The following SLC25A21 variants were observed in gnomAD, a reference collection of about 807,000 sequenced individuals.
SLC25A21 encodes solute carrier family 25 member 21.
Under a neutral mutation model 43.8 loss-of-function variants are expected in SLC25A21, and 47 were observed. The ratio of observed to expected loss-of-function variants is 1.07; its 90% confidence interval spans 0.85 to 1.37. SLC25A21 has a LOEUF of 1.37. Ranked by LOEUF, SLC25A21 falls within the 40% of genes most tolerant of loss-of-function variation. The pLI is 0.00. For synonymous variants in SLC25A21, 131 were observed against 121.3 expected, an observed-to-expected ratio of 1.08 and a Z score of -0.52; for missense variants, 352 against 350.2, an observed-to-expected ratio of 1.00 and a Z score of -0.04.
intron 3 of SLC25A21, among the ~76,000 whole-genome samples, chr14:36,769,736 T>C (rs1886547164): frequency 6.6e-6 from 1 of 152,220 alleles, no homozygotes; most frequent in Non-Finnish European, 1.5e-5. Context: ...ATAGAATTCA[T>C]GACAAGAAAA....
chr14:36,939,847 C>T (rs1315407081), intron 1 of SLC25A21, among the ~76,000 whole-genome samples: 1 of 152,056 alleles, frequency 6.6e-6, no homozygotes, highest in Non-Finnish European at 1.5e-5. Flanking sequence ...GAATGGAAAA[C>T]ATGCACAATT....
chr14:37,015,035 ATTCT>A (rs1960816764), intron 1 of SLC25A21, among the ~76,000 whole-genome samples: 1 of 151,542 alleles, frequency 6.6e-6, no homozygotes, highest in Admixed American at 6.6e-5. Flanking sequence ...ATTTGGCATA[ATTCT>A]TTATTATTAT....
intron 1 of SLC25A21, among the ~76,000 whole-genome samples, chr14:36,964,740 C>G (rs1437612565): frequency 1.3e-5 from 2 of 152,060 alleles, no homozygotes; most frequent in African/African-American, 4.8e-5. Context: ...AATCCCAGTC[C>G]GTGTACTCAC....
At chr14:36,975,003 A>G (rs1435691680) in intron 1 of SLC25A21, among the ~76,000 whole-genome samples, 1 of 152,198 alleles carries the variant, frequency 6.6e-6, no homozygotes, top group Non-Finnish European at 1.5e-5. Context: ...GATGACTTCC[A>G]TTTTTAAAGC....
intron 3 of SLC25A21, among the ~76,000 whole-genome samples, chr14:36,756,621 A>C (rs2139269999): frequency 6.6e-6 from 1 of 152,278 alleles, no homozygotes; most frequent in Admixed American, 6.5e-5. Flanking sequence ...CTTCCTCCCA[A>C]AGAAATGCTT....
In SLC25A21 at chr14:36,679,618, A is replaced by G; in HGVS notation, c.*1040T>C. The G allele has an allele frequency of 3.0e-6, 3 of 985,326 alleles. No individual in the cohort carries two copies. Among genetic ancestry groups the G allele is most frequent in the Non-Finnish European group, 3.6e-6 (3 of 829,882 alleles). The allele number at this position is 985,326 out of a possible 1,614,324, so 61.0% of individuals were successfully genotyped here. A position where few individuals can be genotyped will look rare whatever the true frequency, so the allele number is the denominator to read the frequency against. Reference sequence around the variant, plus strand: ...GCTAAGTGTATTTCTTTTTCAGAACATTTCCCCTTCATCATACATATTTTA... The same window carrying G: ...GCTAAGTGTATTTCTTTTTCAGAACGTTTCCCCTTCATCATACATATTTTA... On this transcript the variant is annotated 3_prime_UTR_variant, in exon 10 of 10. Transcript: ENST00000331299.
intron 1 of SLC25A21, among the ~76,000 whole-genome samples, chr14:37,005,701 C>T (rs181366592): frequency 6.6e-5 from 10 of 151,910 alleles, no homozygotes; most frequent in Non-Finnish European, 1.3e-4. Flanking sequence ...CACACACACA[C>T]GATGTGATTC....
At chr14:37,012,850 T>C (rs1236326377) in intron 1 of SLC25A21, among the ~76,000 whole-genome samples, 2 of 152,156 alleles carry the variant, frequency 1.3e-5, no homozygotes, top group East Asian at 1.9e-4. Flanking sequence ...GTTTAACTTG[T>C]CATTCCCACT....
intron 2 of SLC25A21, among the ~76,000 whole-genome samples, chr14:36,861,440 T>C (rs904738659): frequency 2.0e-5 from 3 of 152,218 alleles, no homozygotes; most frequent in Admixed American, 1.3e-4. Flanking sequence ...GGTTCTAAGG[T>C]TCAGCTCACA....
intron 1 of SLC25A21, among the ~76,000 whole-genome samples, chr14:37,100,351 C>T (rs1307544636): frequency 6.6e-6 from 1 of 152,178 alleles, no homozygotes; most frequent in African/African-American, 2.4e-5. Flanking sequence ...AGCCACCATG[C>T]CTGGCTGCCA....
chr14:36,708,598 T>C (rs1883681918), intron 7 of SLC25A21, among the ~76,000 whole-genome samples: 1 of 152,182 alleles, frequency 6.6e-6, no homozygotes, highest in South Asian at 2.1e-4. Flanking sequence ...CCACAGCACC[T>C]GGCTAATTTT....
In SLC25A21 at chr14:36,736,683, G is replaced by T. The variant is rs997352234; in HGVS notation, c.204-2110C>A. Among the ~76,000 whole-genome samples the T allele has an allele frequency of 3.5e-4, 53 of 152,176 alleles. 2 individuals carry two copies. The highest frequency in any genetic ancestry group is 4.4e-5 in the Non-Finnish European group (3 of 68,020). ...TAAAGCTTTTAAAACAGAGTGTCCAGATCAACAGAGGAACTTGAAATCCCA... is the reference window on the plus strand; with the variant it reads ...TAAAGCTTTTAAAACAGAGTGTCCATATCAACAGAGGAACTTGAAATCCCA... On this transcript the variant is annotated intron_variant, in intron 3 of 9. Coordinates refer to ENST00000331299, the MANE Select transcript of SLC25A21 (RefSeq NM_030631.4).
intron 1 of SLC25A21, among the ~76,000 whole-genome samples, chr14:36,960,153 G>C (rs1018104084): frequency 6.6e-6 from 1 of 152,086 alleles, no homozygotes; most frequent in African/African-American, 2.4e-5. Flanking sequence ...TACAAAACAT[G>C]GTTGTCTATT....
intron 1 of SLC25A21, among the ~76,000 whole-genome samples, chr14:37,047,022 A>G (rs1961601016): frequency 6.6e-6 from 1 of 152,212 alleles, no homozygotes; most frequent in South Asian, 2.1e-4. Flanking sequence ...CTAAGCAACT[A>G]CTTAGTTGCA....
intron 1 of SLC25A21, among the ~76,000 whole-genome samples, chr14:36,897,276 C>A (rs1341999646): frequency 6.6e-6 from 1 of 152,146 alleles, no homozygotes; most frequent in Non-Finnish European, 1.5e-5. Flanking sequence ...CTTCTCGCTT[C>A]TTTTCATTCA....
chr14:36,914,106 G>A (rs1030248973), intron 1 of SLC25A21, among the ~76,000 whole-genome samples: 3 of 152,216 alleles, frequency 2.0e-5, no homozygotes, highest in African/African-American at 7.2e-5. Context: ...GGTTGAACAA[G>A]AACAAATGAA....
chr14:36,946,954 T>C (rs1892692771), intron 1 of SLC25A21, among the ~76,000 whole-genome samples: 1 of 152,196 alleles, frequency 6.6e-6, no homozygotes, highest in African/African-American at 2.4e-5. Context: ...TGGACACTAT[T>C]TATCTTTAGT....
intron 3 of SLC25A21, among the ~76,000 whole-genome samples, chr14:36,790,354 A>T (rs1406388699): frequency 2.6e-5 from 4 of 152,076 alleles, no homozygotes; most frequent in Non-Finnish European, 4.4e-5. Context: ...ATTTAAATCC[A>T]TACATCATCC....
At chr14:36,930,197 C>A (rs1305364691) in intron 1 of SLC25A21, among the ~76,000 whole-genome samples, 1 of 152,122 alleles carries the variant, frequency 6.6e-6, no homozygotes, top group Non-Finnish European at 1.5e-5. Flanking sequence ...AACCCCAGAA[C>A]TAGACATATT....
Sources: gnomAD v4.1 joint callset for allele counts (sites outside exome capture counted in the v4.1 genomes callset) on GRCh38, gnomAD v4.1.1 for gene constraint, MANE v1.5 for transcripts, NCBI Gene and HGNC (gene_info 2026-07-23, HGNC 2026-07-21) for gene names.